Variants in SMG7 observed in about 807,000 individuals in gnomAD.
The protein encoded by SMG7 is SMG7 nonsense mediated mRNA decay factor.
Under a neutral mutation model 148.2 loss-of-function variants are expected in SMG7, and 34 were observed. That is an observed-to-expected ratio of 0.23 (90% CI 0.17 to 0.31). The LOEUF (loss-of-function observed/expected upper bound fraction) is 0.31, where lower values mean the gene tolerates loss of function less well. Ranked by LOEUF, SMG7 falls within the 10% of genes least tolerant of loss-of-function variation. The probability of loss-of-function intolerance (pLI) is 1.00; values close to 1 mark genes in which losing one functional copy is unlikely to be tolerated. For synonymous variants in SMG7, 492 were observed against 515.1 expected, an observed-to-expected ratio of 0.96 and a Z score of 0.61; for missense variants, 1,114 against 1,408.4, an observed-to-expected ratio of 0.79 and a Z score of 3.35.
chr1:183,545,413 CT>C, intron 16 of SMG7, 101 bp downstream of exon 16: 1 of 1,350,082 alleles, frequency 7.4e-7, no homozygotes, highest in Non-Finnish European at 1.0e-6. Context: ...ATACTTCTTG[CT>C]TAGATTTATA....
chr1:183,548,898 T>C (rs1187879464), intron 18 of SMG7: 3 of 333,740 alleles, frequency 9.0e-6, no homozygotes, highest in Non-Finnish European at 1.7e-5. Context: ...AGTGCAACTA[T>C]TGACAAGGGG....
In SMG7 at chr1:183,552,466, G is replaced by A; in HGVS notation, c.*535G>A. On this transcript the variant is annotated 3_prime_UTR_variant, in exon 23 of 23. Transcript: ENST00000688051. ...ACACAGGTGTGCTTCTAGTCAGTGT[G>A]TAGCAAGGAAAGCCCCGTTCACTGC... 1 of 995,054 alleles carries A rather than the reference G, an allele frequency of 1.0e-6. No homozygotes were observed. Among genetic ancestry groups the A allele is most frequent in the Admixed American group, 5.6e-5 (1 of 17,860 alleles). 61.6% of individuals were successfully genotyped at this position (995,054 alleles called of 1,614,324 possible).
intron 14 of SMG7, among the ~76,000 whole-genome samples, chr1:183,543,800 AG>A (rs1669403917): frequency 1.3e-5 from 2 of 152,126 alleles, no homozygotes; most frequent in South Asian, 4.1e-4. Flanking sequence ...ATAGGATCTC[AG>A]GGCCTGTTCC....
At chr1:183,517,941 TC>T in intron 4 of SMG7, 121 bp downstream of exon 4, 1 of 971,418 alleles carries the variant, frequency 1.0e-6, no homozygotes, top group Non-Finnish European at 1.6e-6. Flanking sequence ...CAGGGATTGA[TC>T]ACCTATAATC....
Position 183,544,911 on chromosome 1 carries a change from G to A in SMG7, c.1988-19G>A. 5.6e-6 allele frequency: 9 copies of A among 1,600,504 alleles called. No individual in the cohort carries two copies. Among genetic ancestry groups the A allele is most frequent in the Non-Finnish European group, 7.7e-6 (9 of 1,171,918 alleles). On this transcript the variant is annotated intron_variant, in intron 15 of 22. Coordinates refer to ENST00000688051, the MANE Select transcript of SMG7 (RefSeq NM_001375584.1). ...TTGCTGTTTCCTTAAAACTAAAGCT[G>A]TGTTCTTCTGTTTTGAAGGGTTTCC...
intron 1 of SMG7, among the ~76,000 whole-genome samples, chr1:183,511,941 T>C (rs1662248974): frequency 6.6e-6 from 1 of 152,198 alleles, no homozygotes; most frequent in South Asian, 2.1e-4. Context: ...TGGAAAGCTA[T>C]GATGCATTTG....
rs1671151224 is a variant in SMG7, at chr1:183,552,020, C to T, written c.*89C>T. 2 of 1,434,086 alleles carry T rather than the reference C, an allele frequency of 1.4e-6. No individual in the cohort carries two copies. The highest frequency in any genetic ancestry group is 2.4e-5 in the Admixed American group (1 of 42,310). The allele number at this position is 1,434,086 out of a possible 1,614,324, so 88.8% of individuals were successfully genotyped here. A position where few individuals can be genotyped will look rare whatever the true frequency, so the allele number is the denominator to read the frequency against. ...GGCCCACACAGTCCCCTGCAGGTGG[C>T]AGCCCTCTTTTCTGTTTCTCGCTGT... On this transcript the variant is annotated 3_prime_UTR_variant, in exon 23 of 23. Coordinates refer to ENST00000688051, the MANE Select transcript of SMG7 (RefSeq NM_001375584.1).
chr1:183,496,916 T>G (rs564895479), intron 1 of SMG7, among the ~76,000 whole-genome samples: 63 of 152,224 alleles, frequency 4.1e-4, no homozygotes, highest in Non-Finnish European at 5.0e-4. Flanking sequence ...GGGCTGCATG[T>G]GGTCTGTGGG....
At chr1:183,531,601 G>C (rs946807674) in intron 8 of SMG7, among the ~76,000 whole-genome samples, 1 of 152,134 alleles carries the variant, frequency 6.6e-6, no homozygotes, top group Non-Finnish European at 1.5e-5. Flanking sequence ...ACATGACAAA[G>C]TCTGGACCTT....
intron 1 of SMG7, among the ~76,000 whole-genome samples, chr1:183,477,739 T>C (rs773038620): frequency 9.3e-5 from 14 of 150,204 alleles, no homozygotes; most frequent in Admixed American, 5.3e-4. Context: ...TATGCATATA[T>C]ACATGTGTGT....
chr1:183,477,564 G>A (rs1215098193), intron 1 of SMG7, among the ~76,000 whole-genome samples: 1 of 145,132 alleles, frequency 6.9e-6, no homozygotes, highest in African/African-American at 2.6e-5. Flanking sequence ...GTGTGCATAT[G>A]TGTATATATG....
At chr1:183,539,832 C>G (rs1156462519) in intron 12 of SMG7, among the ~76,000 whole-genome samples, 2 of 152,216 alleles carry the variant, frequency 1.3e-5, no homozygotes, top group Non-Finnish European at 2.9e-5. Flanking sequence ...AGGCTTTTCT[C>G]ACCAGTTTAC....
intron 15 of SMG7, 70 bp from the exon 16 acceptor site, chr1:183,544,860 A>C (rs1010647501): frequency 6.5e-7 from 1 of 1,532,366 alleles, no homozygotes; most frequent in African/African-American, 1.4e-5. Flanking sequence ...ACCTGTTAAA[A>C]AAAAAATGAC....
rs1442339266 is a variant in SMG7 at position 183,544,464 on chromosome 1, C to T, written c.1954C>T (p.Pro652Ser). The change falls in exon 15 of 23, where the codon CCT becomes TCT. Residue 652 changes from proline to serine, a missense_variant. This residue lies in a region of SMG7 where 788 missense variants were observed against 894.5 expected (regional missense o/e 0.88). Transcript: ENST00000688051. ...SNSQFIPIHH[P>S]GAFPPLPSRP... ...CTCCCAGTTCATCCCCATTCATCAC[C>T]CTGGAGCCTTCCCTCCTCTTCCCAG... The T allele has an allele frequency of 2.5e-6, 4 of 1,613,788 alleles. No homozygotes were observed. Among genetic ancestry groups the T allele is most frequent in the Admixed American group, 3.3e-5 (2 of 59,994 alleles).
intron 16 of SMG7, 128 bp from the exon 17 acceptor site, chr1:183,545,837 GA>G: frequency 1.9e-6 from 2 of 1,056,832 alleles, no homozygotes; most frequent in Non-Finnish European, 2.7e-6. Context: ...AAAGGTAAAG[GA>G]AACTGCTGCC....
chr1:183,502,111 T>G, intron 1 of SMG7: 1 of 531,370 alleles, frequency 1.9e-6, no homozygotes, highest in Non-Finnish European at 3.0e-6. Flanking sequence ...TAAGAAACAT[T>G]AAACAAAAAA....
At chr1:183,529,658 A>T in intron 8 of SMG7, 125 bp downstream of exon 8, 1 of 708,636 alleles carries the variant, frequency 1.4e-6, no homozygotes, top group South Asian at 2.0e-5. Context: ...ATTATATTCG[A>T]AGTATGTGAA....
At position 183,545,025 on chromosome 1, in the gene SMG7, T is replaced by A. The variant is rs762043444; in HGVS notation, c.2083T>A (p.Phe695Ile). ...FPAGVSVPGTFLQPTAHSPAG... is the reference protein window; with the variant it reads ...FPAGVSVPGTILQPTAHSPAG... ...AGCTGGTGTTTCTGTCCCAGGAACCTTTCTTCAGCCTACAGCTCACTCTCC... is the reference window on the plus strand; with the variant it reads ...AGCTGGTGTTTCTGTCCCAGGAACCATTCTTCAGCCTACAGCTCACTCTCC... The change falls in exon 16 of 23, where the codon TTT becomes ATT. Residue 695 changes from phenylalanine to isoleucine, a missense_variant. Physicochemically the swap from Phe to Ile is conservative, Grantham distance 21. Around this residue, in one of 4 missense-constraint regions of SMG7, gnomAD observed 788 missense variants for 894.5 expected, o/e 0.88. Coordinates refer to ENST00000688051, the MANE Select transcript of SMG7 (RefSeq NM_001375584.1). 3 of 1,613,976 alleles carry A rather than the reference T, an allele frequency of 1.9e-6. No homozygotes were observed. In the South Asian group the frequency reaches 3.3e-5, roughly 18 times the overall value.
chr1:183,547,308 ATACTGT>A, intron 18 of SMG7, 56 bp downstream of exon 18: 1 of 1,432,156 alleles, frequency 7.0e-7, no homozygotes, highest in Non-Finnish European at 9.5e-7. Flanking sequence ...CTTCTCTGAG[ATACTGT>A]AGTACACAGA....
Sources: gnomAD v4.1 joint callset for allele counts (sites outside exome capture counted in the v4.1 genomes callset) on GRCh38, gnomAD v4.1.1 for gene constraint, gnomAD v4.1.1 regional missense constraint, MANE v1.5 for transcripts, NCBI Gene and HGNC (gene_info 2026-07-23, HGNC 2026-07-21) for gene names.